Variants in GABRB1 observed in about 807,000 individuals in gnomAD.
The protein encoded by GABRB1 is gamma-aminobutyric acid type A receptor subunit beta1, also known as gamma-aminobutyric acid receptor subunit beta-1.
Under a neutral mutation model 51.6 loss-of-function variants are expected in GABRB1, and 17 were observed. The ratio of observed to expected loss-of-function variants is 0.33; its 90% confidence interval spans 0.23 to 0.49. The LOEUF (loss-of-function observed/expected upper bound fraction) is 0.49. Ranked by LOEUF, GABRB1 falls within the 20% of genes least tolerant of loss-of-function variation. GABRB1 has a pLI of 0.99. For missense variants in GABRB1, 410 were observed against 600.6 expected, an observed-to-expected ratio of 0.68 and a Z score of 3.32; for synonymous variants, 247 against 218.9, an observed-to-expected ratio of 1.13 and a Z score of -1.14.
intron 4 of GABRB1, among the ~76,000 whole-genome samples, chr4:47,276,203 G>A (rs527901865): frequency 4.6e-5 from 7 of 152,176 alleles, no homozygotes; most frequent in African/African-American, 1.7e-4. Context: ...AGTAATGCTA[G>A]CTAACGTAAC....
At chr4:47,225,041 T>C (rs892444410) in intron 4 of GABRB1, among the ~76,000 whole-genome samples, 5 of 152,110 alleles carry the variant, frequency 3.3e-5, no homozygotes, top group East Asian at 1.9e-4. Flanking sequence ...ATTACAGGCA[T>C]GCACCACCAT....
At chr4:47,131,559 T>C (rs1014810192) in intron 3 of GABRB1, among the ~76,000 whole-genome samples, 1 of 152,176 alleles carries the variant, frequency 6.6e-6, no homozygotes, top group African/African-American at 2.4e-5. Context: ...TGGCCAAAAC[T>C]GCAATTTTTT....
intron 5 of GABRB1, among the ~76,000 whole-genome samples, chr4:47,334,965 G>A (rs1424305810): frequency 1.3e-5 from 2 of 152,052 alleles, no homozygotes; most frequent in African/African-American, 4.8e-5. Flanking sequence ...ATATCTTCCT[G>A]GGCAGAGTGA....
chr4:47,422,460 C>T (rs1245873347), intron 8 of GABRB1, among the ~76,000 whole-genome samples: 3 of 152,220 alleles, frequency 2.0e-5, no homozygotes, highest in Non-Finnish European at 2.9e-5. Context: ...GGTTCTGCTT[C>T]AGCTCTTATT....
intron 5 of GABRB1, among the ~76,000 whole-genome samples, chr4:47,376,115 T>C (rs1228593138): frequency 1.3e-5 from 2 of 152,180 alleles, no homozygotes; most frequent in Non-Finnish European, 2.9e-5. Flanking sequence ...GTGGAAATAC[T>C]ATCCAAGAAG....
At chr4:47,050,429 G>A (rs765792247) in intron 3 of GABRB1, among the ~76,000 whole-genome samples, 20 of 151,448 alleles carry the variant, frequency 1.3e-4, no homozygotes, top group Non-Finnish European at 2.2e-4. Context: ...ATGTATATAC[G>A]TATATATATA....
intron 5 of GABRB1, among the ~76,000 whole-genome samples, chr4:47,383,613 G>A (rs1020619695): frequency 6.6e-6 from 1 of 152,108 alleles, no homozygotes; most frequent in Non-Finnish European, 1.5e-5. Flanking sequence ...TCATAACTGA[G>A]AGATGTGAAG....
At chr4:47,118,699 C>A (rs1275630308) in intron 3 of GABRB1, among the ~76,000 whole-genome samples, 1 of 152,108 alleles carries the variant, frequency 6.6e-6, no homozygotes, top group African/African-American at 2.4e-5. Flanking sequence ...TGTGAGTACA[C>A]ACACAAACAT....
chr4:47,004,963 G>A (rs1400012778), intron 1 of GABRB1, among the ~76,000 whole-genome samples: 1 of 152,226 alleles, frequency 6.6e-6, no homozygotes, highest in East Asian at 1.9e-4. Context: ...TATAGAAACA[G>A]TGAATTCTGA....
intron 4 of GABRB1, among the ~76,000 whole-genome samples, chr4:47,208,763 CTT>C (rs1720238104): frequency 1.3e-5 from 2 of 152,038 alleles, no homozygotes. Context: ...CTGACTGACT[CTT>C]TTCCTGCTGG....
chr4:47,295,269 A>G (rs1383198810), intron 4 of GABRB1, among the ~76,000 whole-genome samples: 1 of 152,258 alleles, frequency 6.6e-6, no homozygotes, highest in Middle Eastern at 3.2e-3. Flanking sequence ...AATGACTTTG[A>G]CGAGTTGAGA....
At chr4:47,412,916 C>A (rs1041927664) in intron 8 of GABRB1, among the ~76,000 whole-genome samples, 16 of 152,298 alleles carry the variant, frequency 1.1e-4, no homozygotes, top group African/African-American at 3.8e-4. Flanking sequence ...AAAAAGCTGG[C>A]CACCCCACTC....
At chr4:47,338,376 A>G (rs1725771907) in intron 5 of GABRB1, among the ~76,000 whole-genome samples, 1 of 152,220 alleles carries the variant, frequency 6.6e-6, no homozygotes. Flanking sequence ...AAAAGCTTAC[A>G]TTCCCAAAGT....
intron 3 of GABRB1, among the ~76,000 whole-genome samples, chr4:47,043,816 T>C (rs1402987220): frequency 6.6e-6 from 1 of 152,120 alleles, no homozygotes; most frequent in East Asian, 1.9e-4. Context: ...GAACTTGATG[T>C]ATTCAGCTTT....
chr4:47,294,982 A>T lies in GABRB1; in HGVS notation c.462-25145A>T, dbSNP rs561759857. Among the ~76,000 whole-genome samples, 3 of 152,354 alleles carry T rather than the reference A, an allele frequency of 2.0e-5. No individual in the cohort carries two copies. The South Asian group carries it at 6.2e-4, about 32-fold the overall frequency. On this transcript the variant is annotated intron_variant, in intron 4 of 8. Coordinates refer to ENST00000295454, the MANE Select transcript of GABRB1 (RefSeq NM_000812.4). ...CGCTGTTCTGCAGCCACCACTGCTG[A>T]TACCCAGGCAAACAGGGTCTGGAGT... is the stretch of plus-strand genomic sequence containing the variant.
At chr4:47,145,221 C>G (rs1258422827) in intron 3 of GABRB1, among the ~76,000 whole-genome samples, 1 of 151,960 alleles carries the variant, frequency 6.6e-6, no homozygotes, top group Non-Finnish European at 1.5e-5. Context: ...TATTGAAAAC[C>G]TTTCTTGTCA....
At chr4:47,424,168 C>G (rs182890233) in intron 8 of GABRB1, among the ~76,000 whole-genome samples, 18 of 152,292 alleles carry the variant, frequency 1.2e-4, no homozygotes, top group Admixed American at 1.2e-3. Flanking sequence ...TACTGAGTTT[C>G]CTGTGGAAAC....
At chr4:47,084,834 T>C (rs1727997660) in intron 3 of GABRB1, among the ~76,000 whole-genome samples, 1 of 152,230 alleles carries the variant, frequency 6.6e-6, no homozygotes. Flanking sequence ...AACCCTCTGT[T>C]ACCCACTTTG....
chr4:47,015,190 G>A (rs1253414981), intron 1 of GABRB1, among the ~76,000 whole-genome samples: 1 of 152,220 alleles, frequency 6.6e-6, no homozygotes, highest in Non-Finnish European at 1.5e-5. Flanking sequence ...ACAGGCGTGA[G>A]CCTCTGTATC....
Sources: allele counts gnomAD v4.1 joint callset (sites outside exome capture counted in the v4.1 genomes callset), GRCh38; gene constraint gnomAD v4.1.1; transcripts MANE v1.5; gene names NCBI Gene and HGNC (gene_info 2026-07-23, HGNC 2026-07-21).